Variants in NCAM2 observed in about 807,000 individuals in gnomAD.
NCAM2 encodes neural cell adhesion molecule 2, also known as N-CAM-2.
A neutral mutation model predicts 98.1 loss-of-function variants in NCAM2; 30 were observed. That is an observed-to-expected ratio of 0.31 (90% CI 0.23 to 0.41). NCAM2 has a LOEUF of 0.41. Ranked by LOEUF, NCAM2 falls within the 10% of genes least tolerant of loss-of-function variation. The pLI is 1.00. For missense variants in NCAM2, 867 were observed against 1,005.8 expected, an observed-to-expected ratio of 0.86 and a Z score of 1.87; for synonymous variants, 368 against 342.4, an observed-to-expected ratio of 1.07 and a Z score of -0.83.
At chr21:21,230,485 A>C (rs2070578499) in intron 1 of NCAM2, among the ~76,000 whole-genome samples, 1 of 151,150 alleles carries the variant, frequency 6.6e-6, no homozygotes, top group African/African-American at 2.4e-5. Context: ...ATACTAAAGC[A>C]CTCTTTTTCG....
intron 1 of NCAM2, among the ~76,000 whole-genome samples, chr21:21,052,358 T>C (rs1205526578): frequency 6.6e-6 from 1 of 151,938 alleles, no homozygotes; most frequent in Non-Finnish European, 1.5e-5. Flanking sequence ...AGAGATGGGG[T>C]TTCACCATAT....
chr21:21,404,865 T>C (rs1271353664), intron 9 of NCAM2, among the ~76,000 whole-genome samples: 5 of 151,224 alleles, frequency 3.3e-5, no homozygotes, highest in African/African-American at 7.3e-5. Flanking sequence ...GAAAGTAAAG[T>C]TGCTTTTTTA....
chr21:21,047,216 C>G (rs1386743241), intron 1 of NCAM2, among the ~76,000 whole-genome samples: 1 of 152,116 alleles, frequency 6.6e-6, no homozygotes, highest in Non-Finnish European at 1.5e-5. Context: ...TAAGACAATG[C>G]TTGTAAGTGT....
intron 1 of NCAM2, among the ~76,000 whole-genome samples, chr21:21,052,058 C>T (rs550005544): frequency 3.8e-4 from 58 of 151,252 alleles, no homozygotes; most frequent in African/African-American, 1.4e-3. Context: ...GGAGTATGAA[C>T]GAATTCATCA....
rs139980526 is a variant in NCAM2 at position 21,402,812 on chromosome 21, A to G, written c.1196-7462A>G. ...CTTAGGGAAAATATAAAGAACCTAC[A>G]CTGAAATATTGGGGGTGGGTTCCCC... On this transcript the variant is annotated intron_variant, in intron 9 of 17. Coordinates refer to ENST00000400546, the MANE Select transcript of NCAM2 (RefSeq NM_004540.5). Among the ~76,000 whole-genome samples, 15 of 152,200 alleles carry G rather than the reference A, an allele frequency of 9.9e-5. 1 individual carries two copies. The highest frequency in any genetic ancestry group is 9.2e-4 in the Admixed American group (14 of 15,280).
chr21:21,083,325 C>G (rs538416078), intron 1 of NCAM2, among the ~76,000 whole-genome samples: 1 of 151,980 alleles, frequency 6.6e-6, no homozygotes. Flanking sequence ...TTCCATGTAA[C>G]AGGGGAGAAA....
intron 1 of NCAM2, among the ~76,000 whole-genome samples, chr21:21,275,369 G>A (rs983075823): frequency 1.3e-5 from 2 of 151,920 alleles, no homozygotes; most frequent in Non-Finnish European, 2.9e-5. Flanking sequence ...GAACCTGGGA[G>A]GCGGAGCTTG....
At chr21:21,180,721 G>A (rs559844478) in intron 1 of NCAM2, among the ~76,000 whole-genome samples, 1 of 152,196 alleles carries the variant, frequency 6.6e-6, no homozygotes, top group East Asian at 1.9e-4. Flanking sequence ...AGAGGTTAAT[G>A]TATTTATTGT....
chr21:21,510,259 T>G (rs1988278205), intron 16 of NCAM2, among the ~76,000 whole-genome samples: 1 of 152,182 alleles, frequency 6.6e-6, no homozygotes, highest in Non-Finnish European at 1.5e-5. Context: ...CAAATGTTTT[T>G]ATATGTGTAA....
chr21:21,218,135 C>G (rs2069982933), intron 1 of NCAM2, among the ~76,000 whole-genome samples: 1 of 152,102 alleles, frequency 6.6e-6, no homozygotes, highest in Admixed American at 6.6e-5. Context: ...TTTATTACGG[C>G]AAAAATAGAG....
At chr21:21,450,565 A>G (rs1156409518) in intron 12 of NCAM2, among the ~76,000 whole-genome samples, 1 of 151,918 alleles carries the variant, frequency 6.6e-6, no homozygotes, top group East Asian at 1.9e-4. Flanking sequence ...CCTGGCCTCA[A>G]GTGGTCCTCT....
chr21:21,165,097 G>A (rs913481569), intron 1 of NCAM2, among the ~76,000 whole-genome samples: 2 of 152,122 alleles, frequency 1.3e-5, no homozygotes, highest in African/African-American at 4.8e-5. Flanking sequence ...AAAGCCTGTG[G>A]TATTTATGGA....
chr21:21,102,286 TG>T (rs1195653132), intron 1 of NCAM2, among the ~76,000 whole-genome samples: 1 of 152,108 alleles, frequency 6.6e-6, no homozygotes, highest in Non-Finnish European at 1.5e-5. Context: ...CTTTTAAAAT[TG>T]TAAAAAAAGT....
intron 1 of NCAM2, among the ~76,000 whole-genome samples, chr21:21,114,081 A>G (rs1264810916): frequency 6.6e-6 from 1 of 152,162 alleles, no homozygotes; most frequent in East Asian, 1.9e-4. Context: ...TATGTTCTCA[A>G]TAGTCTGTGA....
chr21:21,332,789 C>A (rs73322740), intron 6 of NCAM2, among the ~76,000 whole-genome samples: 29 of 152,302 alleles, frequency 1.9e-4, no homozygotes, highest in African/African-American at 6.7e-4. Context: ...TGAAAACTCT[C>A]TTCAGGCAGT....
chr21:21,511,020 T>A (rs192394622), intron 16 of NCAM2, among the ~76,000 whole-genome samples: 1 of 152,188 alleles, frequency 6.6e-6, no homozygotes, highest in East Asian at 1.9e-4. Context: ...ACTTGTTGCA[T>A]ATGGGGTATT....
intron 1 of NCAM2, among the ~76,000 whole-genome samples, chr21:21,142,300 G>C (rs2826701): frequency 0.44 from 65,681 of 150,708 alleles, 14,819 homozygotes; most frequent in African/African-American, 0.56. Flanking sequence ...GTTTATGTTT[G>C]TGCACATGTG....
intron 9 of NCAM2, among the ~76,000 whole-genome samples, chr21:21,394,202 C>A (rs1221145485): frequency 6.6e-6 from 1 of 152,088 alleles, no homozygotes. Context: ...TCCACATAGC[C>A]ATTAGAATTC....
intron 1 of NCAM2, among the ~76,000 whole-genome samples, chr21:21,179,822 T>A (rs1185379424): frequency 6.6e-6 from 1 of 152,250 alleles, no homozygotes; most frequent in African/African-American, 2.4e-5. Context: ...TAGCACAGTG[T>A]ATCCACAGAG....
Sources: allele counts gnomAD v4.1 joint callset (sites outside exome capture counted in the v4.1 genomes callset), GRCh38; gene constraint gnomAD v4.1.1; transcripts MANE v1.5; gene names NCBI Gene and HGNC (gene_info 2026-07-23, HGNC 2026-07-21).